The following ASIC5 variants were observed in gnomAD, a reference collection of about 807,000 sequenced individuals.
ASIC5 encodes the protein acid sensing ion channel subunit family member 5.
A neutral mutation model predicts 51.2 loss-of-function variants in ASIC5; 52 were observed. The ratio of observed to expected loss-of-function variants is 1.02; its 90% CI spans 0.81 to 1.28. The LOEUF (loss-of-function observed/expected upper bound fraction) is 1.28. Among genes scored for constraint, ASIC5 ranks in the 50% most tolerant of loss-of-function variants. The probability of loss-of-function intolerance (pLI) is 0.00; values close to 1 mark genes in which losing one functional copy is unlikely to be tolerated. For missense variants in ASIC5, 635 were observed against 595.0 expected (o/e 1.07, Z -0.70); for synonymous variants, 231 against 200.7 (o/e 1.15, Z -1.28).
intron 1 of ASIC5, among the ~76,000 whole-genome samples, chr4:155,864,056 C>T (rs899954269): frequency 1.3e-5 from 2 of 152,072 alleles, no homozygotes; most frequent in Non-Finnish European, 2.9e-5. Context: ...AAGTTGGTTA[C>T]AACAATTCAT....
chr4:155,861,044 A>G (rs535167411), intron 2 of ASIC5, among the ~76,000 whole-genome samples: 6 of 151,992 alleles, frequency 3.9e-5, no homozygotes, highest in African/African-American at 1.2e-4. Context: ...TTTAATATTT[A>G]CATATTTGTG....
intron 2 of ASIC5, among the ~76,000 whole-genome samples, chr4:155,857,535 A>G (rs1186457532): frequency 2.6e-5 from 4 of 152,150 alleles, no homozygotes; most frequent in Non-Finnish European, 5.9e-5. Context: ...AGAGCCTAGT[A>G]GAAGAAAATA....
intron 4 of ASIC5, among the ~76,000 whole-genome samples, chr4:155,848,794 T>C (rs778379302): frequency 3.3e-5 from 5 of 152,066 alleles, no homozygotes; most frequent in Non-Finnish European, 5.9e-5. Context: ...TGTTCATGAG[T>C]ATTAAACAGA....
At chr4:155,834,572 A>C (rs1740936017) in intron 8 of ASIC5, among the ~76,000 whole-genome samples, 1 of 152,124 alleles carries the variant, frequency 6.6e-6, no homozygotes, top group Non-Finnish European at 1.5e-5. Flanking sequence ...CCCTACATGT[A>C]CATTATGTGA....
Position 155,863,579 on chromosome 4 carries a change from T to C in ASIC5, c.216A>G (p.Ser72=). The change falls in exon 2 of 10, where the codon TCA becomes TCG. Residue 72 remains serine, a synonymous_variant. Coordinates refer to ENST00000537611, the MANE Select transcript of ASIC5 (RefSeq NM_017419.3). ...RVLWLVVVLG[S]VSLVTWQIYI... ...AGATCTGCCATGTCACAAGTGAGAC[T>C]GAGCCCAGAACCACCACCAACCAGA... The C allele has an allele frequency of 6.2e-7, 1 of 1,613,658 alleles. No individual in the cohort carries two copies. Among genetic ancestry groups the C allele is most frequent in the Non-Finnish European group, 8.5e-7 (1 of 1,179,860 alleles).
chr4:155,848,161 T>G (rs951729283), intron 4 of ASIC5, among the ~76,000 whole-genome samples: 1 of 151,968 alleles, frequency 6.6e-6, no homozygotes, highest in Non-Finnish European at 1.5e-5. Flanking sequence ...GTTTTTTTCT[T>G]TTTTTAAAAA....
At chr4:155,864,404 G>T (rs1292812689) in intron 1 of ASIC5, 1 of 152,030 alleles carries the variant, frequency 6.6e-6, no homozygotes, top group African/African-American at 2.4e-5. Flanking sequence ...AATATTTATT[G>T]ATATTCATTG....
chr4:155,838,178 G>T (rs1741030424), intron 7 of ASIC5, among the ~76,000 whole-genome samples: 1 of 152,112 alleles, frequency 6.6e-6, no homozygotes, highest in African/African-American at 2.4e-5. Context: ...GGTATATATT[G>T]GGATTCTGTT....
Position 155,866,239 on chromosome 4 carries a change from T to C in ASIC5, c.-13A>G. ...CTGTCTGCTCCATTTGTGATTTCAG[T>C]TAAGCAAGAGTCCTCAGGGTAACCC... On this transcript the variant is annotated 5_prime_UTR_variant, in exon 1 of 10. Coordinates refer to ENST00000537611, the MANE Select transcript of ASIC5 (RefSeq NM_017419.3). 6.2e-7 allele frequency: 1 copy of C among 1,607,494 alleles called. No individual in the cohort carries two copies. Among genetic ancestry groups the C allele is most frequent in the Non-Finnish European group, 8.5e-7 (1 of 1,174,910 alleles).
intron 3 of ASIC5, among the ~76,000 whole-genome samples, chr4:155,853,416 C>A (rs1022401968): frequency 6.6e-6 from 1 of 151,610 alleles, no homozygotes; most frequent in Non-Finnish European, 1.5e-5. Context: ...CATCAAATTG[C>A]CTGTATAGTT....
intron 4 of ASIC5, among the ~76,000 whole-genome samples, chr4:155,849,497 G>A (rs2111250235): frequency 6.6e-6 from 1 of 152,092 alleles, no homozygotes; most frequent in East Asian, 1.9e-4. Flanking sequence ...GTCCTAACAT[G>A]ATTTGTCTTT....
At position 155,842,264 on chromosome 4, in the gene ASIC5, C is replaced by A. The variant is rs1422211158; in HGVS notation, c.952G>T (p.Glu318Ter). The change falls in exon 6 of 10, where the codon GAA becomes TAA. Residue 318 changes from glutamate (E) to a stop codon, truncating the protein, a stop_gained. Coordinates refer to ENST00000537611, the MANE Select transcript of ASIC5 (RefSeq NM_017419.3). LOFTEE classifies it high-confidence loss of function. ...SSYSTSGCLK[E>*]CKAQHIKKQC... ...TTTTTTATGTGCTGGGCTTTGCATT[C>A]CTTCAAGCAACCAGAAGTGCTGTAG... 1 of 1,613,686 alleles carries A rather than the reference C, an allele frequency of 6.2e-7. No homozygotes were observed. The highest frequency in any genetic ancestry group is 8.5e-7 in the Non-Finnish European group (1 of 1,179,766).
chr4:155,830,522 A>G (rs1393799469), intron 9 of ASIC5, among the ~76,000 whole-genome samples: 1 of 152,092 alleles, frequency 6.6e-6, no homozygotes, highest in Non-Finnish European at 1.5e-5. Flanking sequence ...TTAACATAAC[A>G]TTGCCTTTTT....
intron 2 of ASIC5, among the ~76,000 whole-genome samples, chr4:155,861,454 T>C (rs1035857871): frequency 9.2e-5 from 14 of 152,016 alleles, no homozygotes; most frequent in Admixed American, 3.9e-4. Context: ...AGGTAACATA[T>C]ATTACTTTAA....
intron 3 of ASIC5, among the ~76,000 whole-genome samples, chr4:155,852,605 G>A (rs987613682): frequency 6.6e-6 from 1 of 151,844 alleles, no homozygotes; most frequent in Non-Finnish European, 1.5e-5. Context: ...AAGATGTATG[G>A]AAACATGTTT....
chr4:155,838,782 T>C (rs1287987264), intron 7 of ASIC5, 31 bp downstream of exon 7: 3 of 1,402,904 alleles, frequency 2.1e-6, no homozygotes, highest in African/African-American at 2.9e-5. Flanking sequence ...TTAATATAAA[T>C]CCTGAAAATA....
At chr4:155,830,131 T>G (rs754026003) in intron 9 of ASIC5, 85 bp from the exon 10 acceptor site, 6 of 880,846 alleles carry the variant, frequency 6.8e-6, no homozygotes, top group East Asian at 3.0e-5. Context: ...TGAAGCAAAA[T>G]AGAGTCATAA....
Position 155,842,274 on chromosome 4 carries a change from A to T in ASIC5, c.942T>A (p.Gly314=), listed in dbSNP as rs776425479. The change falls in exon 6 of 10, where the codon GGT becomes GGA. Residue 314 remains glycine (G), a synonymous_variant. Coordinates refer to ENST00000537611, the MANE Select transcript of ASIC5 (RefSeq NM_017419.3). ...GCTGGGCTTTGCATTCCTTCAAGCA[A>T]CCAGAAGTGCTGTAGCTGCTAAAAT... is the stretch of plus-strand genomic sequence containing the variant. ...LQNFSSYSTS[G]CLKECKAQHI... 6.2e-7 allele frequency: 1 copy of T among 1,613,716 alleles called. No homozygotes were observed. The highest frequency in any genetic ancestry group is 8.5e-7 in the Non-Finnish European group (1 of 1,179,772).
intron 1 of ASIC5, 26 bp from the exon 2 acceptor site, chr4:155,863,780 T>C (rs1358163122): frequency 1.3e-6 from 2 of 1,556,328 alleles, no homozygotes; most frequent in Non-Finnish European, 1.7e-6. Context: ...ATAAAATGAT[T>C]AAACAAAAAA....
Sources: gnomAD v4.1 joint callset for allele counts (sites outside exome capture counted in the v4.1 genomes callset) on GRCh38, gnomAD v4.1.1 for gene constraint, MANE v1.5 for transcripts, NCBI Gene and HGNC (gene_info 2026-07-23, HGNC 2026-07-21) for gene names.